The following FARP1 variants were observed in gnomAD, a reference collection of about 807,000 sequenced individuals.
FARP1 encodes the protein FERM, ARH/RhoGEF and pleckstrin domain protein 1, also known as FERM, ARHGEF and pleckstrin domain-containing protein 1.
FARP1 carries 52 observed loss-of-function variants against 128.8 expected under a neutral mutation model. The observed-to-expected ratio is 0.40, with a 90% CI of 0.32 to 0.51. The LOEUF is 0.51. FARP1 is among the 20% of genes least tolerant of loss of function. The pLI, the probability that FARP1 is intolerant of heterozygous loss-of-function variation, is 0.45. For missense variants in FARP1, 1,333 were observed against 1,367.9 expected (o/e 0.97, Z 0.40); for synonymous variants, 580 against 551.8 (o/e 1.05, Z -0.72).
At chr13:98,256,821 A>G (rs1185544030) in intron 2 of FARP1, among the ~76,000 whole-genome samples, 1 of 149,086 alleles carries the variant, frequency 6.7e-6, no homozygotes, top group African/African-American at 2.5e-5. Context: ...CAGCCTCCCA[A>G]AGTGCTGGGA....
chr13:98,439,547 G>A (rs1892437129), intron 21 of FARP1, among the ~76,000 whole-genome samples: 2 of 152,272 alleles, frequency 1.3e-5, no homozygotes, highest in African/African-American at 2.4e-5. Flanking sequence ...CAGGGGCCCC[G>A]ACAGTCCTCG....
intron 2 of FARP1, among the ~76,000 whole-genome samples, chr13:98,307,848 T>A (rs1352710930): frequency 1.3e-5 from 2 of 151,976 alleles, no homozygotes. Context: ...TGTTACTCTT[T>A]TGGAAAAAAA....
chr13:98,426,341 TTAGC>T (rs1891787926), intron 17 of FARP1, among the ~76,000 whole-genome samples: 1 of 151,962 alleles, frequency 6.6e-6, no homozygotes, highest in Non-Finnish European at 1.5e-5. Context: ...TAAAAAAACA[TTAGC>T]TAAGAGTGAT....
In FARP1 at chr13:98,337,749, G is replaced by T. The variant is rs112223427; in HGVS notation, c.172-6013G>T. Among the ~76,000 whole-genome samples the T allele has an allele frequency of 6.8e-3, 1,035 of 152,260 alleles. 13 individuals carry two copies. Among genetic ancestry groups the T allele is most frequent in the African/African-American group, 0.024 (981 of 41,548 alleles). Reference sequence around the variant, plus strand: ...GGTTTTTTAGCAATAAAAGGCTAGTGGATTTGTGGCTCTTGAATCTATCTC... The same window carrying T: ...GGTTTTTTAGCAATAAAAGGCTAGTTGATTTGTGGCTCTTGAATCTATCTC... On this transcript the variant is annotated intron_variant, in intron 2 of 26. Coordinates refer to ENST00000319562, the MANE Select transcript of FARP1 (RefSeq NM_005766.4).
intron 2 of FARP1, among the ~76,000 whole-genome samples, chr13:98,295,365 G>A (rs1276013930): frequency 6.6e-6 from 1 of 152,150 alleles, no homozygotes; most frequent in African/African-American, 2.4e-5. Context: ...GTCCTCAGTG[G>A]ATATGGGGAG....
At chr13:98,179,130 T>C (rs146499288) in intron 1 of FARP1, among the ~76,000 whole-genome samples, 364 of 152,330 alleles carry the variant, frequency 2.4e-3, no homozygotes, top group African/African-American at 8.5e-3. Context: ...GAAAAAGGCT[T>C]AATGGACTTA....
In FARP1 at chr13:98,176,645, C is replaced by T. The variant is rs1447200996; in HGVS notation, c.-24+33153C>T. 6.2e-6 allele frequency: 10 copies of T among 1,614,214 alleles called. No individual in the cohort carries two copies. Among genetic ancestry groups the T allele is most frequent in the Non-Finnish European group, 8.5e-6 (10 of 1,180,040 alleles). On this transcript the variant is annotated intron_variant, in intron 1 of 26. Transcript: ENST00000319562. The surrounding 1 kb of genome is among the most constrained non-coding windows in gnomAD (Gnocchi z 6.2). The stretch of plus-strand genomic sequence containing the variant: ...CCACAGAAGCCAGTCTCCTTGTAGT[C>T]CTTGCAGATGTCAGGCTGGTAATCC...
At chr13:98,222,303 A>G (rs2139366156) in intron 2 of FARP1, among the ~76,000 whole-genome samples, 1 of 152,360 alleles carries the variant, frequency 6.6e-6, no homozygotes, top group Middle Eastern at 3.4e-3. Flanking sequence ...AAGAAAATGA[A>G]TAAAAACAAT....
chr13:98,440,575 C>A, intron 23 of FARP1, 95 bp from the exon 24 acceptor site: 1 of 1,321,040 alleles, frequency 7.6e-7, no homozygotes, highest in Non-Finnish European at 1.0e-6. Context: ...GTTGTGACTG[C>A]TGTGAGCCCC....
chr13:98,321,061 C>A (rs1217117133), intron 2 of FARP1, among the ~76,000 whole-genome samples: 1 of 152,206 alleles, frequency 6.6e-6, no homozygotes, highest in Non-Finnish European at 1.5e-5. Context: ...CTTGTCATCA[C>A]CACCTTTGAC....
intron 13 of FARP1, chr13:98,402,447 A>T (rs1426054357): frequency 6.6e-6 from 1 of 152,234 alleles, no homozygotes; most frequent in African/African-American, 2.4e-5. Flanking sequence ...TTAAAGTGGG[A>T]AATGATAGAA....
chr13:98,386,403 C>G (rs1335842498), intron 8 of FARP1, among the ~76,000 whole-genome samples: 1 of 152,144 alleles, frequency 6.6e-6, no homozygotes, highest in South Asian at 2.1e-4. Flanking sequence ...TCTCTGCACT[C>G]TAAAATGTGT....
intron 13 of FARP1, chr13:98,401,949 T>C (rs2140093639): frequency 6.6e-6 from 1 of 151,952 alleles, no homozygotes; most frequent in South Asian, 2.1e-4. Context: ...GGTGTTGGAG[T>C]GTTACTTGGA....
chr13:98,230,584 GT>G (rs1882053027), intron 2 of FARP1, among the ~76,000 whole-genome samples: 1 of 152,306 alleles, frequency 6.6e-6, no homozygotes, highest in African/African-American at 2.4e-5. Context: ...GTCAAAGAGT[GT>G]GGACATGAAT....
At chr13:98,326,020 C>G (rs1594405051) in intron 2 of FARP1, among the ~76,000 whole-genome samples, 1 of 152,214 alleles carries the variant, frequency 6.6e-6, no homozygotes, top group Non-Finnish European at 1.5e-5. Context: ...ATAAATGCTT[C>G]TGAAATTTTT....
At chr13:98,215,643 C>G (rs1881016307) in intron 2 of FARP1, among the ~76,000 whole-genome samples, 1 of 152,146 alleles carries the variant, frequency 6.6e-6, no homozygotes, top group Non-Finnish European at 1.5e-5. Context: ...CCTGTTCTGT[C>G]TATATCCCCA....
intron 2 of FARP1, among the ~76,000 whole-genome samples, chr13:98,265,013 G>A (rs373656907): frequency 5.9e-5 from 9 of 152,052 alleles, no homozygotes; most frequent in African/African-American, 1.7e-4. Flanking sequence ...CCAGGCTTTG[G>A]GCCATTAAAG....
intron 2 of FARP1, among the ~76,000 whole-genome samples, chr13:98,217,271 C>T (rs1881120666): frequency 6.6e-6 from 1 of 150,728 alleles, no homozygotes; most frequent in Admixed American, 6.6e-5. Flanking sequence ...TTTGAGCAGC[C>T]CTGGTAAAAA....
Position 98,408,322 on chromosome 13 carries a change from C to CTTTTT in FARP1, c.1415-997_1415-993dup, listed in dbSNP as rs34532263. On this transcript the variant is annotated intron_variant, in intron 13 of 26. Transcript: ENST00000319562. ...GCTGACTCATAGCGGGTAATATATA[C>CTTTTT]TTTTTTTTTTTTTTTTTTTTTTTGA... Among the ~76,000 whole-genome samples, 176 of 90,160 alleles carry CTTTTT rather than the reference C, an allele frequency of 2.0e-3. 2 individuals carry two copies. Among genetic ancestry groups the CTTTTT allele is most frequent in the East Asian group, 2.5e-3 (8 of 3,242 alleles). The allele number at this position is 90,160 out of a possible 152,430, so 59.1% of individuals were successfully genotyped here.
Sources: allele counts gnomAD v4.1 joint callset (sites outside exome capture counted in the v4.1 genomes callset), GRCh38; gene constraint gnomAD v4.1.1; non-coding constraint Gnocchi (gnomAD v3.1); transcripts MANE v1.5; gene names NCBI Gene and HGNC (gene_info 2026-07-23, HGNC 2026-07-21).